The following PRKDC variants were observed in gnomAD, a reference collection of about 807,000 sequenced individuals.
PRKDC encodes the protein protein kinase, DNA-activated, catalytic subunit, also known as DNA-dependent protein kinase catalytic subunit.
In PRKDC, 82 loss-of-function variants were observed where a neutral mutation model predicts 486.9. The observed-to-expected ratio is 0.17, with a 90% CI of 0.14 to 0.20. The LOEUF is 0.20. PRKDC is among the 10% of genes least tolerant of loss of function. PRKDC has a pLI of 1.00. For missense variants in PRKDC, 4,504 were observed against 5,038.2 expected (o/e 0.89, Z 3.21); for synonymous variants, 1,895 against 1,837.0 (o/e 1.03, Z -0.81).
At chr8:47,914,586 G>T (rs903294314) in intron 23 of PRKDC, among the ~76,000 whole-genome samples, 14 of 152,244 alleles carry the variant, frequency 9.2e-5, no homozygotes, top group African/African-American at 3.4e-4. Context: ...GATCACCTGA[G>T]GTCAGGAGTT....
chr8:47,950,662 A>G (rs2090613261), intron 7 of PRKDC, among the ~76,000 whole-genome samples: 1 of 151,934 alleles, frequency 6.6e-6, no homozygotes, highest in Non-Finnish European at 1.5e-5. Context: ...CAGGATAAAA[A>G]GTTATATTTG....
chr8:47,844,435 C>A (rs561564500), intron 54 of PRKDC, among the ~76,000 whole-genome samples: 1 of 152,148 alleles, frequency 6.6e-6, no homozygotes, highest in African/African-American at 2.4e-5. Flanking sequence ...TACACAGGCA[C>A]TCAATAATAG....
intron 56 of PRKDC, among the ~76,000 whole-genome samples, chr8:47,838,407 T>C (rs761978473): frequency 4.6e-5 from 7 of 152,132 alleles, no homozygotes; most frequent in African/African-American, 1.4e-4. Context: ...AGGCCAGGCA[T>C]TGAAGCCTAA....
chr8:47,915,164 G>A (rs922759907), intron 23 of PRKDC, among the ~76,000 whole-genome samples, 164 bp downstream of exon 23: 13 of 152,040 alleles, frequency 8.6e-5, no homozygotes, highest in Admixed American at 1.3e-4. Context: ...CCAATTTTAC[G>A]GATACAGTCA....
chr8:47,881,281 G>A (rs1162641917), intron 38 of PRKDC, 135 bp downstream of exon 38: 2 of 611,014 alleles, frequency 3.3e-6, no homozygotes, highest in African/African-American at 1.9e-5. Context: ...ATAAGTACGG[G>A]GGATTACTGT....
At chr8:47,812,701 ATAAGG>A (rs2087355353) in intron 68 of PRKDC, among the ~76,000 whole-genome samples, 1 of 152,180 alleles carries the variant, frequency 6.6e-6, no homozygotes, top group South Asian at 2.1e-4. Context: ...AAAAGCAAAT[ATAAGG>A]TAAGAGGAAA....
At chr8:47,801,045 A>G in intron 70 of PRKDC, 59 bp from the exon 71 acceptor site, 1 of 1,473,954 alleles carries the variant, frequency 6.8e-7, no homozygotes, top group Non-Finnish European at 9.3e-7. Context: ...GGAATTAAAA[A>G]GAAGAAATTC....
chr8:47,777,638 C>G, intron 84 of PRKDC, 48 bp downstream of exon 84: 2 of 1,508,954 alleles, frequency 1.3e-6, no homozygotes, highest in Non-Finnish European at 1.8e-6. Context: ...AGCTTGATCA[C>G]GGGGACACTG....
chr8:47,871,584 GT>G (rs1023213926), intron 40 of PRKDC, among the ~76,000 whole-genome samples: 1 of 151,944 alleles, frequency 6.6e-6, no homozygotes, highest in African/African-American at 2.4e-5. Context: ...GATAAAAGGA[GT>G]TTTTTTTGTT....
chr8:47,959,328 AAT>A (rs1284218078), intron 1 of PRKDC: 2 of 152,310 alleles, frequency 1.3e-5, no homozygotes, highest in South Asian at 2.1e-4. Flanking sequence ...AGGAACGGCA[AAT>A]AGAGGGGTTT....
At position 47,941,194 on chromosome 8, in the gene PRKDC, G is replaced by A. The variant is rs541341174; in HGVS notation, c.967-1497C>T. Among the ~76,000 whole-genome samples the A allele has an allele frequency of 7.3e-5, 11 of 151,672 alleles. No individual in the cohort carries two copies. The South Asian group carries it at 2.3e-3, about 32-fold the overall frequency. On this transcript the variant is annotated intron_variant, in intron 10 of 85. Transcript: ENST00000314191. Reference sequence around the variant, plus strand: ...CACATCATATAGATGTCACTGTGAGGAAAATATATTCAACATAGTGGAAAA... The same window carrying A: ...CACATCATATAGATGTCACTGTGAGAAAAATATATTCAACATAGTGGAAAA...
chr8:47,913,336 C>T (rs190360839), intron 24 of PRKDC, among the ~76,000 whole-genome samples: 2 of 152,292 alleles, frequency 1.3e-5, no homozygotes, highest in Non-Finnish European at 2.9e-5. Flanking sequence ...ATATCACTCT[C>T]AAATGCCCTT....
At chr8:47,953,942 G>T in intron 5 of PRKDC, 23 bp from the exon 6 acceptor site, 1 of 1,390,200 alleles carries the variant, frequency 7.2e-7, no homozygotes, top group Non-Finnish European at 9.9e-7. Context: ...TTTTAGACAA[G>T]TGAAGGCCTC....
At chr8:47,878,472 C>T (rs776522682) in intron 39 of PRKDC, among the ~76,000 whole-genome samples, 12 of 152,222 alleles carry the variant, frequency 7.9e-5, no homozygotes, top group Non-Finnish European at 1.8e-4. Flanking sequence ...TACATGGAGA[C>T]GTGCCTTCAA....
chr8:47,919,184 A>C (rs2090035087), intron 21 of PRKDC, among the ~76,000 whole-genome samples: 1 of 152,184 alleles, frequency 6.6e-6, no homozygotes, highest in Admixed American at 6.5e-5. Context: ...TTCACCTAAG[A>C]ATGTTTTTAA....
intron 37 of PRKDC, 65 bp from the exon 38 acceptor site, chr8:47,881,585 T>G (rs1202284205): frequency 3.6e-6 from 3 of 826,038 alleles, no homozygotes; most frequent in South Asian, 4.1e-5. Context: ...TTTAGCCCAT[T>G]GCTCAAATGT....
intron 76 of PRKDC, among the ~76,000 whole-genome samples, chr8:47,787,568 GA>G (rs1450652332): frequency 2.6e-5 from 4 of 152,202 alleles, no homozygotes; most frequent in Non-Finnish European, 4.4e-5. Context: ...TAAGGTACTA[GA>G]AATAAAACTC....
Position 47,782,520 on chromosome 8 carries a change from C to G in PRKDC, c.11254G>C (p.Val3752Leu). The change falls in exon 79 of 86, where the codon GTG becomes CTG. Residue 3752 changes from valine (V) to leucine (L), a missense_variant. By Grantham distance (32) the Val-to-Leu change is conservative. Coordinates refer to ENST00000314191, the MANE Select transcript of PRKDC (RefSeq NM_006904.7). This position sits in a 1 kb window ranked among gnomAD's most constrained non-coding sequence, Gnocchi z 4.9. Reference protein sequence around the residue: ...GHDEREHPFLVKGGEDLRQDQ... With the variant: ...GHDEREHPFLLKGGEDLRQDQ... ...TGCCGCAGGTCCTCGCCACCCTTCACCAGGAAAGGGTGTTCCCTCTCGTCA... is the reference window on the plus strand; with the variant it reads ...TGCCGCAGGTCCTCGCCACCCTTCAGCAGGAAAGGGTGTTCCCTCTCGTCA... The G allele has an allele frequency of 6.3e-7, 1 of 1,577,046 alleles. No individual in the cohort carries two copies. Among genetic ancestry groups the G allele is most frequent in the African/African-American group, 1.3e-5 (1 of 74,282 alleles).
rs761604517 is a variant in PRKDC, at chr8:47,857,282, C to T, written c.6483G>A (p.Ala2161=). The change falls in exon 49 of 86, where the codon GCG becomes GCA. Residue 2161 remains alanine, a synonymous_variant. Transcript: ENST00000314191. ...GCAGCAAGGGGCTAAGCCAGTGCTTCGCGTAAGGGCGAAAGACCTACAAGA... is the reference window on the plus strand; with the variant it reads ...GCAGCAAGGGGCTAAGCCAGTGCTTTGCGTAAGGGCGAAAGACCTACAAGA... ...INTEEVFRPY[A]KHWLSPLLQL... 54 of 1,611,020 alleles carry T rather than the reference C, an allele frequency of 3.4e-5. No individual in the cohort carries two copies. Among genetic ancestry groups the T allele is most frequent in the South Asian group, 6.6e-5 (6 of 90,452 alleles).
Sources: allele counts gnomAD v4.1 joint callset (sites outside exome capture counted in the v4.1 genomes callset), GRCh38; gene constraint gnomAD v4.1.1; non-coding constraint Gnocchi (gnomAD v3.1); transcripts MANE v1.5; gene names NCBI Gene and HGNC (gene_info 2026-07-23, HGNC 2026-07-21).